CLIC5: variants seen among roughly 807,000 people sequenced by gnomAD.
CLIC5 encodes chloride intracellular channel protein 5.
CLIC5 carries 20 observed loss-of-function variants against 24.7 expected under a neutral mutation model. The observed-to-expected ratio is 0.81, with a 90% CI of 0.57 to 1.18. The LOEUF (loss-of-function observed/expected upper bound fraction) is 1.18. Among genes scored for constraint, CLIC5 ranks in the 50% most tolerant of loss-of-function variants. CLIC5 has a pLI of 0.00. For missense variants in CLIC5, 341 were observed against 326.1 expected (o/e 1.05, Z -0.35); for synonymous variants, 159 against 135.6 (o/e 1.17, Z -1.20).
chr6:45,928,075 G>T (rs1763571606), intron 4 of CLIC5, among the ~76,000 whole-genome samples: 2 of 152,148 alleles, frequency 1.3e-5, no homozygotes, highest in Admixed American at 1.3e-4. Flanking sequence ...CTTGAGATGG[G>T]GTGGAGTGCC....
chr6:45,982,839 C>A (rs114772655), intron 1 of CLIC5, among the ~76,000 whole-genome samples: 43 of 152,222 alleles, frequency 2.8e-4, no homozygotes, highest in African/African-American at 1.0e-3. Context: ...GTCAATGATT[C>A]GCTTTTAGTA....
At chr6:46,067,508 T>A (rs1762474859) in intron 1 of CLIC5, among the ~76,000 whole-genome samples, 3 of 152,190 alleles carry the variant, frequency 2.0e-5, no homozygotes, top group Admixed American at 2.0e-4. Context: ...ATCATATTAA[T>A]GCAGAAATAC....
chr6:45,955,336 C>A (rs1035720063), intron 1 of CLIC5, 92 bp from the exon 2 acceptor site: 1 of 873,828 alleles, frequency 1.1e-6, no homozygotes, highest in Admixed American at 2.6e-5. Context: ...TCTGAGGAGA[C>A]CTTACTAAAA....
chr6:46,075,455 C>G (rs1762740681), intron 1 of CLIC5, among the ~76,000 whole-genome samples: 1 of 151,926 alleles, frequency 6.6e-6, no homozygotes, highest in Non-Finnish European at 1.5e-5. Flanking sequence ...TATGGTGGTG[C>G]ACACCTGTGG....
At chr6:46,023,845 T>A (rs1767253221) in intron 1 of CLIC5, among the ~76,000 whole-genome samples, 1 of 150,780 alleles carries the variant, frequency 6.6e-6, no homozygotes, top group East Asian at 1.9e-4. Context: ...AAATACTTTT[T>A]AAAAACCTTG....
At chr6:45,981,305 G>T (rs1765562291) in intron 1 of CLIC5, among the ~76,000 whole-genome samples, 3 of 151,636 alleles carry the variant, frequency 2.0e-5, no homozygotes, top group African/African-American at 7.3e-5. Flanking sequence ...TTTTACACGT[G>T]CTTACTAGAT....
In CLIC5 at chr6:46,000,374, G is replaced by A. The variant is rs1021344358; in HGVS notation, c.63+15106C>T. On this transcript the variant is annotated intron_variant, in intron 1 of 5. Coordinates refer to ENST00000339561, the MANE Select transcript of CLIC5 (RefSeq NM_016929.5). Reference sequence around the variant, plus strand: ...TGCTCCTTTGAAGGAGACACCCACCGTGAGGGGAGTATCCATCTGATTTGT... The same window carrying A: ...TGCTCCTTTGAAGGAGACACCCACCATGAGGGGAGTATCCATCTGATTTGT... Among the ~76,000 whole-genome samples the A allele has an allele frequency of 5.9e-5, 9 of 152,132 alleles. No homozygotes were observed. The East Asian group carries it at 7.7e-4, about 13-fold the overall frequency.
At chr6:46,081,589 C>T (rs1186123939), upstream of CLIC5, among the ~76,000 whole-genome samples, 1 of 152,150 alleles carries the variant, frequency 6.6e-6, no homozygotes, top group East Asian at 1.9e-4. Context: ...TGAAAAGTGA[C>T]ATTCAATGGG....
intron 4 of CLIC5, among the ~76,000 whole-genome samples, chr6:45,937,844 G>C (rs1340871182): frequency 1.3e-5 from 2 of 152,214 alleles, no homozygotes; most frequent in Admixed American, 6.5e-5. Flanking sequence ...GAACAACAGG[G>C]AAATTTTACT....
rs192525631 is a variant in CLIC5, at chr6:45,964,164, G to T, written c.64-8920C>A. On this transcript the variant is annotated intron_variant, in intron 1 of 5. Coordinates refer to ENST00000339561, the MANE Select transcript of CLIC5 (RefSeq NM_016929.5). ...GCTGTTTCTGCTCACTAGCCCAGGT[G>T]TAATATTTAACAGCTAAATTCCATT... is the stretch of plus-strand genomic sequence containing the variant. 6.2e-4 allele frequency among the ~76,000 whole-genome samples: 95 copies of T among 152,306 alleles called. 1 individual carries two copies. In the South Asian group the frequency reaches 0.016, roughly 25 times the overall value.
chr6:46,018,187 C>A (rs1316092688), upstream of CLIC5, among the ~76,000 whole-genome samples: 2 of 152,146 alleles, frequency 1.3e-5, no homozygotes, highest in Non-Finnish European at 2.9e-5. Flanking sequence ...GTGGCAGTAG[C>A]AAATAAAATT....
upstream of CLIC5, among the ~76,000 whole-genome samples, chr6:46,085,105 G>T (rs921939070): frequency 3.3e-5 from 5 of 152,174 alleles, no homozygotes; most frequent in African/African-American, 9.7e-5. Context: ...TAGTTCTGGA[G>T]CCTTGGCTTT....
chr6:46,108,032 C>CA, the CLIC5 span, among the ~76,000 whole-genome samples: 3,209 of 33,164 alleles, frequency 0.097, 110 homozygotes, highest in Non-Finnish European at 0.12. Flanking sequence ...AAAACTCCAT[C>CA]AAAAAAAAAA....
At chr6:46,084,290 T>C (rs1309176518), upstream of CLIC5, among the ~76,000 whole-genome samples, 3 of 151,930 alleles carry the variant, frequency 2.0e-5, no homozygotes, top group Non-Finnish European at 4.4e-5. Context: ...AAGTTAATAT[T>C]GTTATGTGTG....
intron 1 of CLIC5, among the ~76,000 whole-genome samples, chr6:45,969,139 G>A (rs1443789469): frequency 6.6e-6 from 1 of 152,166 alleles, no homozygotes; most frequent in Non-Finnish European, 1.5e-5. Flanking sequence ...CTCTCTCCCA[G>A]CACCATGCAT....
intron 1 of CLIC5, among the ~76,000 whole-genome samples, chr6:45,956,705 G>A (rs1764656341): frequency 6.6e-6 from 1 of 152,156 alleles, no homozygotes; most frequent in African/African-American, 2.4e-5. Context: ...TTGGCTGCAT[G>A]TAATTGCTAT....
In CLIC5 at chr6:45,949,303, G is replaced by A. The variant is rs149123031; in HGVS notation, c.252C>T (p.Asp84=). ...CCAGGAACTCCTCGATCTTATTGAC[G>A]TCTGTCTTCACGTCCCCGTTGAAGG... ...FLTFNGDVKT[D]VNKIEEFLEE... Residue 84 remains aspartate, a synonymous_variant, in exon 3 of 6, where the codon GAC becomes GAT. Transcript: ENST00000339561. 9.9e-6 allele frequency: 16 copies of A among 1,613,914 alleles called. No individual in the cohort carries two copies. The highest frequency in any genetic ancestry group is 8.0e-5 in the African/African-American group (6 of 75,032).
chr6:45,997,780 G>C (rs3777611), intron 1 of CLIC5, among the ~76,000 whole-genome samples: 45,796 of 152,204 alleles, frequency 0.3, 7,507 homozygotes, highest in Middle Eastern at 0.45. Flanking sequence ...CCTGGAACAT[G>C]AGGAAATTAG....
At chr6:45,958,526 T>C (rs936374444) in intron 1 of CLIC5, among the ~76,000 whole-genome samples, 16 of 143,536 alleles carry the variant, frequency 1.1e-4, no homozygotes, top group South Asian at 2.3e-4. Context: ...TTGAACATGA[T>C]TGCCAGCTAT....
Sources: allele counts gnomAD v4.1 joint callset (sites outside exome capture counted in the v4.1 genomes callset), GRCh38; gene constraint gnomAD v4.1.1; transcripts MANE v1.5; gene names NCBI Gene and HGNC (gene_info 2026-07-23, HGNC 2026-07-21).